FHDC1: variants seen among roughly 807,000 people sequenced by gnomAD.
FHDC1 encodes FH2 domain-containing protein 1.
A neutral mutation model predicts 52.6 loss-of-function variants in FHDC1; 25 were observed. That is an observed-to-expected ratio of 0.48 (90% CI 0.35 to 0.66). FHDC1 has a LOEUF of 0.66. FHDC1 is among the 30% of genes least tolerant of loss of function. The pLI, the probability that FHDC1 is intolerant of heterozygous loss-of-function variation, is 0.01. For missense variants in FHDC1, 1,459 were observed against 1,452.8 expected (o/e 1.00, Z -0.07); for synonymous variants, 616 against 581.5 (o/e 1.06, Z -0.85).
chr4:152,954,272 T>C lies in FHDC1; in HGVS notation c.616T>C (p.Ser206Pro). The C allele has an allele frequency of 6.2e-7, 1 of 1,614,182 alleles. No individual in the cohort carries two copies. The highest frequency in any genetic ancestry group is 8.5e-7 in the Non-Finnish European group (1 of 1,180,010). Reference protein sequence around the residue: ...IHQGKSEHYGSETLREFLKFL... With the variant: ...IHQGKSEHYGPETLREFLKFL... ...TCAAGGAAAAAGTGAGCATTATGGATCAGAGACCTTGCGAGAATTTCTTAA... is the reference window on the plus strand; with the variant it reads ...TCAAGGAAAAAGTGAGCATTATGGACCAGAGACCTTGCGAGAATTTCTTAA... The change falls in exon 4 of 12, where the codon TCA becomes CCA. Residue 206 changes from serine (S) to proline (P), a missense_variant. By Grantham distance (74) the Ser-to-Pro change is moderately conservative (BLOSUM62 -1). Around this residue, in one of 3 missense-constraint regions of FHDC1, gnomAD observed 513 missense variants for 581.5 expected, o/e 0.88. Coordinates refer to ENST00000511601, the MANE Select transcript of FHDC1 (RefSeq NM_001371116.1).
In FHDC1 at chr4:152,960,730, T is replaced by G. The variant is rs781060983; in HGVS notation, c.750-14T>G. The G allele has an allele frequency of 6.2e-7, 1 of 1,611,998 alleles. No homozygotes were observed. Among genetic ancestry groups the G allele is most frequent in the South Asian group, 1.1e-5 (1 of 90,290 alleles). On this transcript the variant is annotated splice_polypyrimidine_tract_variant and intron_variant, in intron 5 of 11. Transcript: ENST00000511601. ...TGACATCAAATTCTACAGTTTTACT[T>G]TTTTATTTTTCAGCTATTCACTTCG...
chr4:152,956,545 TG>T (rs1740089964), intron 4 of FHDC1, among the ~76,000 whole-genome samples: 1 of 152,126 alleles, frequency 6.6e-6, no homozygotes, highest in Non-Finnish European at 1.5e-5. Flanking sequence ...TTGGGTTGTG[TG>T]GGGGTATAAT....
chr4:152,936,451 G>A (rs940910216), intron 1 of FHDC1, 42 bp downstream of exon 1: 2 of 152,214 alleles, frequency 1.3e-5, no homozygotes, highest in Non-Finnish European at 2.9e-5. Context: ...CGACCGCGGC[G>A]CGGGACACGG....
intron 2 of FHDC1, among the ~76,000 whole-genome samples, chr4:152,951,150 G>T (rs886684421): frequency 6.6e-6 from 1 of 152,166 alleles, no homozygotes; most frequent in Non-Finnish European, 1.5e-5. Flanking sequence ...AAAGGAATAC[G>T]AAACAAGTCA....
chr4:152,959,959 A>G (rs1415442820), intron 4 of FHDC1, among the ~76,000 whole-genome samples: 1 of 150,066 alleles, frequency 6.7e-6, no homozygotes, highest in Non-Finnish European at 1.5e-5. Flanking sequence ...TTGTTTAAGC[A>G]ATTTTCCTAT....
At chr4:152,928,713 C>T in the FHDC1 span, among the ~76,000 whole-genome samples, 2 of 152,098 alleles carry the variant, frequency 1.3e-5, no homozygotes, top group Admixed American at 6.6e-5. Context: ...GAGCCCTTCC[C>T]TGGAACTCAC....
the FHDC1 span, among the ~76,000 whole-genome samples, chr4:152,931,306 C>A: frequency 3.9e-5 from 6 of 151,990 alleles, no homozygotes; most frequent in Non-Finnish European, 4.4e-5. Context: ...GTTATAACAG[C>A]CAGACCCTAC....
At chr4:152,972,188 C>T (rs1740657833) in intron 10 of FHDC1, among the ~76,000 whole-genome samples, 189 bp from the exon 11 acceptor site, 1 of 152,060 alleles carries the variant, frequency 6.6e-6, no homozygotes, top group African/African-American at 2.4e-5. Flanking sequence ...CTTGCTTTCC[C>T]CGAGGTTTGT....
Position 152,976,966 on chromosome 4 carries a change from C to T in FHDC1, c.*243C>T, listed in dbSNP as rs1049605170. On this transcript the variant is annotated 3_prime_UTR_variant, in exon 12 of 12. Coordinates refer to ENST00000511601, the MANE Select transcript of FHDC1 (RefSeq NM_001371116.1). ...TCACTACTGTGACGGCCGCACCTCC[C>T]CCATGCACCCCACCCTCCCCCAAAG... The T allele has an allele frequency of 3.4e-5, 12 of 351,386 alleles. No homozygotes were observed. The highest frequency in any genetic ancestry group is 4.9e-5 in the Non-Finnish European group (10 of 204,840). The allele number at this position is 351,386 out of a possible 1,614,324, so 21.8% of individuals were successfully genotyped here.
chr4:152,960,988 C>T lies in FHDC1; in HGVS notation c.850+144C>T. On this transcript the variant is annotated intron_variant, in intron 6 of 11. Coordinates refer to ENST00000511601, the MANE Select transcript of FHDC1 (RefSeq NM_001371116.1). Reference sequence around the variant, plus strand: ...GGGAAATGAGATGTTACTAGGGATGCACTTAAGGTTGATTTCCATTGACAT... The same window carrying T: ...GGGAAATGAGATGTTACTAGGGATGTACTTAAGGTTGATTTCCATTGACAT... 4 of 528,726 alleles carry T rather than the reference C, an allele frequency of 7.6e-6. No homozygotes were observed. In the South Asian group the frequency reaches 1.4e-4, roughly 19 times the overall value. 32.8% of individuals were successfully genotyped at this position (528,726 alleles called of 1,614,324 possible).
intron 4 of FHDC1, among the ~76,000 whole-genome samples, chr4:152,959,506 C>CAACATTTTA (rs1740208555): frequency 1.3e-5 from 2 of 152,132 alleles, no homozygotes; most frequent in Non-Finnish European, 2.9e-5. Flanking sequence ...TTGTAGATAT[C>CAACATTTTA]TTAGAAAATA....
intron 9 of FHDC1, among the ~76,000 whole-genome samples, chr4:152,966,934 A>G (rs1462464386): frequency 1.3e-5 from 2 of 152,184 alleles, no homozygotes; most frequent in East Asian, 1.9e-4. Context: ...AGTCTGGGCA[A>G]CATAGTAAGA....
chr4:152,949,118 T>TAAGAAGAAGAAGAAG (rs758697130), intron 2 of FHDC1, among the ~76,000 whole-genome samples: 56 of 75,860 alleles, frequency 7.4e-4, no homozygotes, highest in East Asian at 3.8e-3. Context: ...ATAATAATAA[T>TAAGAAGAAGAAGAAG]AATAATAAGA....
At chr4:152,966,819 T>C (rs997983969) in intron 9 of FHDC1, among the ~76,000 whole-genome samples, 15 of 152,166 alleles carry the variant, frequency 9.9e-5, no homozygotes, top group Non-Finnish European at 1.2e-4. Context: ...TCAATCCAAC[T>C]GTTAATTTGC....
At chr4:152,927,686 G>C in the FHDC1 span, 6 of 1,564,130 alleles carry the variant, frequency 3.8e-6, no homozygotes, top group Non-Finnish European at 4.4e-6. Flanking sequence ...CATGGTAAGA[G>C]GCTTAGATGA....
chr4:152,926,706 A>G, the FHDC1 span, among the ~76,000 whole-genome samples: 1 of 150,212 alleles, frequency 6.7e-6, no homozygotes, highest in South Asian at 2.1e-4. Flanking sequence ...TTCTTTTTCA[A>G]TTATGGGAAT....
At chr4:152,942,474 C>T (rs1190795993) in intron 1 of FHDC1, among the ~76,000 whole-genome samples, 1 of 152,142 alleles carries the variant, frequency 6.6e-6, no homozygotes, top group African/African-American at 2.4e-5. Context: ...GTGCAAGATG[C>T]CTTTTTTGAC....
chr4:152,975,622 C>CGACT lies in FHDC1; in HGVS notation c.2333_2336dup (p.Cys779Ter). The CGACT allele has an allele frequency of 6.2e-7, 1 of 1,613,634 alleles. No individual in the cohort carries two copies. Among genetic ancestry groups the CGACT allele is most frequent in the South Asian group, 1.1e-5 (1 of 91,084 alleles). On this transcript the variant is annotated frameshift_variant, in exon 12 of 12. Coordinates refer to ENST00000511601, the MANE Select transcript of FHDC1 (RefSeq NM_001371116.1). LOFTEE classifies it low-confidence loss of function (END_TRUNC). ...CTCTGTTCTGCATCTCGGACACCAC[C>CGACT]GACTGCTCACTGACCCTGGACTGCT...
Position 152,976,368 on chromosome 4 carries a change from C to T in FHDC1, c.3077C>T (p.Pro1026Leu), listed in dbSNP as rs772983164. The T allele has an allele frequency of 1.6e-5, 26 of 1,613,686 alleles. No individual in the cohort carries two copies. The highest frequency in any genetic ancestry group is 2.1e-5 in the Non-Finnish European group (25 of 1,180,022). Residue 1026 changes from proline to leucine, a missense_variant, in exon 12 of 12, where the codon CCC becomes CTC. Pro to Leu is a moderately conservative substitution (Grantham distance 98). Coordinates refer to ENST00000511601, the MANE Select transcript of FHDC1 (RefSeq NM_001371116.1). ...AAGACCCCGTCAGTGCCCAGCGTCC[C>T]CCACGAACTACCCCGTGTCCCGAGC... ...EPKTPSVPSV[P>L]HELPRVPSFA...
Sources: gnomAD v4.1 joint callset for allele counts (sites outside exome capture counted in the v4.1 genomes callset) on GRCh38, gnomAD v4.1.1 for gene constraint, gnomAD v4.1.1 regional missense constraint, MANE v1.5 for transcripts, NCBI Gene and HGNC (gene_info 2026-07-23, HGNC 2026-07-21) for gene names.